ATP1B3: variants seen among roughly 807,000 people sequenced by gnomAD.
The protein encoded by ATP1B3 is ATPase Na+/K+ transporting subunit beta 3.
In ATP1B3, 10 loss-of-function variants were observed where a neutral mutation model predicts 30.2. The ratio of observed to expected loss-of-function variants is 0.33; its 90% confidence interval spans 0.20 to 0.56. ATP1B3 has a LOEUF of 0.56. Among genes scored for constraint, ATP1B3 ranks in the 20% least tolerant of loss-of-function variants. ATP1B3 has a pLI of 0.90. For missense variants in ATP1B3, 238 were observed against 336.7 expected (o/e 0.71, Z 2.29); for synonymous variants, 113 against 117.0 (o/e 0.97, Z 0.22).
Position 141,913,808 on chromosome 3 carries a change from A to G in ATP1B3, c.503A>G (p.Asn168Ser), listed in dbSNP as rs1216029066. The G allele has an allele frequency of 5.0e-6, 8 of 1,612,560 alleles. No homozygotes were observed. Among genetic ancestry groups the G allele is most frequent in the Non-Finnish European group, 6.8e-6 (8 of 1,179,488 alleles). ...NDPDFGYSQG[N>S]PCILVKMNRI... ...CCTGATTTTGGCTATTCTCAAGGAA[A>G]CCCTTGTATTCTTGTGAAAATGAAC... The change falls in exon 4 of 7, where the codon AAC becomes AGC. Residue 168 changes from asparagine to serine, a missense_variant. By Grantham distance (46) the Asn-to-Ser change is conservative. Coordinates refer to ENST00000286371, the MANE Select transcript of ATP1B3 (RefSeq NM_001679.4).
chr3:141,913,758 T>A lies in ATP1B3; in HGVS notation c.453T>A (p.Leu151=). The A allele has an allele frequency of 1.2e-6, 2 of 1,614,088 alleles. No individual in the cohort carries two copies. Among genetic ancestry groups the A allele is most frequent in the Non-Finnish European group, 1.7e-6 (2 of 1,179,980 alleles). Residue 151 remains leucine (L), a synonymous_variant, in exon 4 of 7, where the codon CTT becomes CTA. Coordinates refer to ENST00000286371, the MANE Select transcript of ATP1B3 (RefSeq NM_001679.4). ...CATGTCAGTTTCCTATTTCATTACT[T>A]CAAGCATGCAGTGGTATGAATGATC... The part of the protein sequence containing the change: ...YVACQFPISL[L]QACSGMNDPD...
In ATP1B3 at chr3:141,921,948, A is replaced by C. The variant is rs774199578; in HGVS notation, c.583-29A>C. The C allele has an allele frequency of 7.7e-6, 10 of 1,295,300 alleles. No individual in the cohort carries two copies. The African/African-American group carries it at 1.4e-4, about 18-fold the overall frequency. The allele number at this position is 1,295,300 out of a possible 1,614,324, so 80.2% of individuals were successfully genotyped here. On this transcript the variant is annotated intron_variant, in intron 5 of 6. Coordinates refer to ENST00000286371, the MANE Select transcript of ATP1B3 (RefSeq NM_001679.4). ...TTTTACAAATTCTTTTTGTGACCTA[A>C]AGAGGATTTCTTTTGTTTTCAACTT...
At chr3:141,894,364 C>T (rs1375206592) in intron 1 of ATP1B3, among the ~76,000 whole-genome samples, 2 of 151,720 alleles carry the variant, frequency 1.3e-5, no homozygotes, top group Non-Finnish European at 2.9e-5. Context: ...TGCTATGTTG[C>T]CCAGGCTGGT....
intron 2 of ATP1B3, 26 bp downstream of exon 2, chr3:141,903,774 G>GT (rs770228944): frequency 1.4e-5 from 22 of 1,592,846 alleles, no homozygotes; most frequent in East Asian, 2.3e-5. Context: ...TTATGACTTT[G>GT]TTTTTTGTTT....
chr3:141,886,090 A>G (rs1933827688), intron 1 of ATP1B3, among the ~76,000 whole-genome samples: 1 of 152,164 alleles, frequency 6.6e-6, no homozygotes, highest in African/African-American at 2.4e-5. Context: ...CTGTACCCCA[A>G]AACTGTGTTT....
Position 141,879,811 on chromosome 3 carries a change from CTT to C in ATP1B3, c.109+2924_109+2925del, listed in dbSNP as rs150389395. ...AAAACCTTACAGTTTTTGGTAACAGCTTTTTTTTTTTTTTTTTTTTTTTTAAG... is the reference window on the plus strand; with the variant it reads ...AAAACCTTACAGTTTTTGGTAACAGCTTTTTTTTTTTTTTTTTTTTTTAAG... On this transcript the variant is annotated intron_variant, in intron 1 of 6. Coordinates refer to ENST00000286371, the MANE Select transcript of ATP1B3 (RefSeq NM_001679.4). 2.3e-3 allele frequency among the ~76,000 whole-genome samples: 135 copies of C among 57,936 alleles called. 1 individual carries two copies. Among genetic ancestry groups the C allele is most frequent in the African/African-American group, 8.8e-3 (103 of 11,764 alleles). 38.0% of individuals were successfully genotyped at this position (57,936 alleles called of 152,430 possible). A position where few individuals can be genotyped will look rare whatever the true frequency, so the allele number is the denominator to read the frequency against.
At chr3:141,902,294 C>T (rs939177895) in intron 1 of ATP1B3, 14 of 1,150,412 alleles carry the variant, frequency 1.2e-5, no homozygotes, top group African/African-American at 3.2e-5. Context: ...ACTATTTCCC[C>T]TTTACTTGAA....
intron 1 of ATP1B3, chr3:141,877,694 G>A (rs1446202707): frequency 6.6e-6 from 1 of 151,636 alleles, no homozygotes; most frequent in Admixed American, 6.6e-5. Flanking sequence ...AAACAGGAGA[G>A]TGATGGTTGT....
At chr3:141,903,519 G>T in intron 1 of ATP1B3, 101 bp from the exon 2 acceptor site, 1 of 1,520,686 alleles carries the variant, frequency 6.6e-7, no homozygotes, top group Non-Finnish European at 8.9e-7. Context: ...GCTTGGGATC[G>T]TACCCTTGCA....
chr3:141,916,355 C>T lies in ATP1B3; in HGVS notation c.582+335C>T, dbSNP rs113727853. On this transcript the variant is annotated intron_variant, in intron 5 of 6. Transcript: ENST00000286371. ...ATGGTGTCTTAATACTGTATCATGA[C>T]ATTTTTCTCTTTCTTAATAGTTAGT... is the stretch of plus-strand genomic sequence containing the variant. 9 of 471,380 alleles carry T rather than the reference C, an allele frequency of 1.9e-5. 1 individual carries two copies. 29.2% of individuals were successfully genotyped at this position (471,380 alleles called of 1,614,324 possible).
intron 1 of ATP1B3, among the ~76,000 whole-genome samples, chr3:141,899,823 C>G (rs1372161649): frequency 6.6e-6 from 1 of 152,044 alleles, no homozygotes; most frequent in African/African-American, 2.4e-5. Flanking sequence ...GAGCTGAGAT[C>G]ACACCATTGC....
intron 1 of ATP1B3, chr3:141,877,705 A>T (rs1933632465): frequency 6.7e-6 from 1 of 148,574 alleles, no homozygotes; most frequent in Non-Finnish European, 1.5e-5. Flanking sequence ...TGATGGTTGT[A>T]TGTTAGCAGA....
intron 6 of ATP1B3, among the ~76,000 whole-genome samples, chr3:141,922,551 G>C (rs955898140): frequency 2.6e-5 from 4 of 151,842 alleles, no homozygotes; most frequent in African/African-American, 9.7e-5. Context: ...TACTCGGGAG[G>C]CTGAGGCAGG....
chr3:141,916,264 A>G, intron 5 of ATP1B3: 1 of 515,440 alleles, frequency 1.9e-6, no homozygotes, highest in Non-Finnish European at 3.7e-6. Flanking sequence ...GTATTTCATC[A>G]ATTCTAAGAT....
intron 1 of ATP1B3, among the ~76,000 whole-genome samples, chr3:141,891,283 A>G (rs575496100): frequency 2.5e-4 from 38 of 152,264 alleles, no homozygotes; most frequent in African/African-American, 8.4e-4. Context: ...TGTCAATACT[A>G]CCTGTTCAGT....
At chr3:141,876,976 T>G (rs1188780392) in intron 1 of ATP1B3, 66 bp downstream of exon 1, 81 of 1,300,966 alleles carry the variant, frequency 6.2e-5, no homozygotes, top group Non-Finnish European at 8.0e-5. Flanking sequence ...CGCGGTCTGG[T>G]GGGAACGGAA....
chr3:141,879,811 CTTT>C (rs150389395), intron 1 of ATP1B3, among the ~76,000 whole-genome samples: 706 of 57,908 alleles, frequency 0.012, 8 homozygotes, highest in African/African-American at 0.036. Flanking sequence ...TTGGTAACAG[CTTT>C]TTTTTTTTTT....
At chr3:141,884,044 G>T (rs1010290463) in intron 1 of ATP1B3, among the ~76,000 whole-genome samples, 1 of 152,102 alleles carries the variant, frequency 6.6e-6, no homozygotes, top group African/African-American at 2.4e-5. Context: ...GCTTTTATGA[G>T]ACCCTCATAA....
chr3:141,913,903 T>C, intron 4 of ATP1B3, 67 bp downstream of exon 4: 2 of 1,454,664 alleles, frequency 1.4e-6, no homozygotes, highest in Non-Finnish European at 1.8e-6. Context: ...GCAACTATTT[T>C]TAGATTGTTG....
Sources: gnomAD v4.1 joint callset for allele counts (sites outside exome capture counted in the v4.1 genomes callset) on GRCh38, gnomAD v4.1.1 for gene constraint, MANE v1.5 for transcripts, NCBI Gene and HGNC (gene_info 2026-07-23, HGNC 2026-07-21) for gene names.